The following ANKRD55 variants were observed in gnomAD, a reference collection of about 807,000 sequenced individuals.
The protein encoded by ANKRD55 is ankyrin repeat domain-containing protein 55.
In ANKRD55, 41 loss-of-function variants were observed where a neutral mutation model predicts 60.6. That is an observed-to-expected ratio of 0.68 (90% CI 0.53 to 0.88). The LOEUF (loss-of-function observed/expected upper bound fraction) is 0.88, where lower values mean the gene tolerates loss of function less well. ANKRD55 is among the 40% of genes least tolerant of loss of function. ANKRD55 has a pLI of 0.00. For synonymous variants in ANKRD55, 264 were observed against 290.3 expected, an observed-to-expected ratio of 0.91 and a Z score of 0.92; for missense variants, 732 against 767.6, an observed-to-expected ratio of 0.95 and a Z score of 0.55.
intron 2 of ANKRD55, among the ~76,000 whole-genome samples, chr5:56,190,411 A>G (rs1275909832): frequency 1.3e-5 from 2 of 152,194 alleles, no homozygotes; most frequent in Non-Finnish European, 2.9e-5. Flanking sequence ...ATCCAGTGTC[A>G]TGAAGCTTTT....
chr5:56,198,675 T>C (rs1759283207), intron 2 of ANKRD55, among the ~76,000 whole-genome samples: 1 of 152,254 alleles, frequency 6.6e-6, no homozygotes, highest in Non-Finnish European at 1.5e-5. Flanking sequence ...CCATTTGCTT[T>C]GTTTTTCTTC....
At chr5:56,112,240 A>G (rs1284189822) in intron 9 of ANKRD55, among the ~76,000 whole-genome samples, 1 of 152,048 alleles carries the variant, frequency 6.6e-6, no homozygotes, top group East Asian at 1.9e-4. Flanking sequence ...GGTGGGGGGA[A>G]TGTGGTTTTA....
rs1405340666 is a variant in ANKRD55 at position 56,133,773 on chromosome 5, T to C, written c.613-6667A>G. ...TACTTTGAACAAAAGGAAGATAACA[T>C]CAAAATTTGTGGGATGTAGCAAAAA... On this transcript the variant is annotated intron_variant, in intron 7 of 11. Coordinates refer to ENST00000341048, the MANE Select transcript of ANKRD55 (RefSeq NM_024669.3). 2.6e-5 allele frequency among the ~76,000 whole-genome samples: 3 copies of C among 113,736 alleles called. 1 individual carries two copies. Among genetic ancestry groups the C allele is most frequent in the African/African-American group, 2.9e-5 (1 of 34,964 alleles). The allele number at this position is 113,736 out of a possible 152,430, so 74.6% of individuals were successfully genotyped here.
At chr5:56,149,363 A>C (rs1757984196) in intron 6 of ANKRD55, among the ~76,000 whole-genome samples, 1 of 152,188 alleles carries the variant, frequency 6.6e-6, no homozygotes, top group Admixed American at 6.5e-5. Context: ...TAAGAATAAT[A>C]TGTCTGACAT....
intron 2 of ANKRD55, among the ~76,000 whole-genome samples, chr5:56,194,447 T>C (rs1759183643): frequency 1.3e-5 from 2 of 152,174 alleles, no homozygotes; most frequent in Non-Finnish European, 2.9e-5. Context: ...ATAGTTTTTG[T>C]CTAATGGAAA....
At chr5:56,166,726 T>C (rs1360950485) in intron 5 of ANKRD55, among the ~76,000 whole-genome samples, 2 of 152,154 alleles carry the variant, frequency 1.3e-5, no homozygotes, top group South Asian at 2.1e-4. Flanking sequence ...ATTTTCTAAA[T>C]ATATAAAGAA....
At chr5:56,198,229 CAAGA>C (rs1759271203) in intron 2 of ANKRD55, among the ~76,000 whole-genome samples, 1 of 152,158 alleles carries the variant, frequency 6.6e-6, no homozygotes, top group Non-Finnish European at 1.5e-5. Context: ...TGCTGGCTCT[CAAGA>C]TAGTTGCCCT....
At chr5:56,100,828 C>T (rs922163067) in intron 11 of ANKRD55, among the ~76,000 whole-genome samples, 3 of 152,206 alleles carry the variant, frequency 2.0e-5, no homozygotes, top group Admixed American at 2.0e-4. Context: ...AACCTCTCTT[C>T]GGCTTCTCCA....
At chr5:56,221,786 C>G (rs564443114) in intron 2 of ANKRD55, among the ~76,000 whole-genome samples, 1 of 152,198 alleles carries the variant, frequency 6.6e-6, no homozygotes, top group South Asian at 2.1e-4. Context: ...AAGGCAGCAG[C>G]GAGGCTGGGG....
At chr5:56,160,349 C>T (rs1391180744) in intron 5 of ANKRD55, among the ~76,000 whole-genome samples, 4 of 152,230 alleles carry the variant, frequency 2.6e-5, no homozygotes, top group African/African-American at 9.6e-5. Flanking sequence ...CACCATCCTC[C>T]TGCCTCAGCC....
At chr5:56,184,991 C>A (rs1422385331) in intron 2 of ANKRD55, among the ~76,000 whole-genome samples, 1 of 151,560 alleles carries the variant, frequency 6.6e-6, no homozygotes, top group Non-Finnish European at 1.5e-5. Flanking sequence ...GAGGCCGAGG[C>A]GGGCGGATCA....
At chr5:56,229,111 C>CT (rs1201672120) in intron 2 of ANKRD55, among the ~76,000 whole-genome samples, 17 of 89,758 alleles carry the variant, frequency 1.9e-4, no homozygotes, top group African/African-American at 7.9e-4. Flanking sequence ...TTTTTTTTTT[C>CT]CCTGTTTTCT....
intron 8 of ANKRD55, chr5:56,125,756 G>T (rs969957442): frequency 6.6e-6 from 1 of 152,122 alleles, no homozygotes; most frequent in Non-Finnish European, 1.5e-5. Context: ...AATTTGTGAA[G>T]TATTCCATAT....
intron 2 of ANKRD55, among the ~76,000 whole-genome samples, chr5:56,195,032 CAAG>C (rs2111848812): frequency 6.6e-6 from 1 of 152,186 alleles, no homozygotes; most frequent in East Asian, 1.9e-4. Context: ...AAGATTTTGA[CAAG>C]AATTAATTAA....
At chr5:56,141,458 C>T (rs895296490) in intron 7 of ANKRD55, among the ~76,000 whole-genome samples, 1 of 152,192 alleles carries the variant, frequency 6.6e-6, no homozygotes, top group Non-Finnish European at 1.5e-5. Flanking sequence ...GAATGAAAAT[C>T]TAAGAGGTGA....
rs548333033 is a variant in ANKRD55 at position 56,129,918 on chromosome 5, G to A, written c.613-2812C>T. ...AGAAGATGATCCTGGCTCATCGGTTGGAGCCAGACATGTTAGACTAGAATG... is the reference window on the plus strand; with the variant it reads ...AGAAGATGATCCTGGCTCATCGGTTAGAGCCAGACATGTTAGACTAGAATG... On this transcript the variant is annotated intron_variant, in intron 7 of 11. Coordinates refer to ENST00000341048, the MANE Select transcript of ANKRD55 (RefSeq NM_024669.3). Among the ~76,000 whole-genome samples the A allele has an allele frequency of 2.0e-5, 3 of 152,306 alleles. No homozygotes were observed. In the East Asian group the frequency reaches 5.8e-4, roughly 29 times the overall value.
chr5:56,170,444 T>C (rs980983409), intron 5 of ANKRD55, among the ~76,000 whole-genome samples: 4 of 152,136 alleles, frequency 2.6e-5, no homozygotes, highest in Non-Finnish European at 4.4e-5. Context: ...AATGAATATA[T>C]GAATTCTGAT....
intron 6 of ANKRD55, among the ~76,000 whole-genome samples, chr5:56,144,352 A>G (rs1302137238): frequency 6.6e-6 from 1 of 152,218 alleles, no homozygotes; most frequent in Non-Finnish European, 1.5e-5. Context: ...GAGGACAGCC[A>G]ACACCAAGCA....
chr5:56,223,595 T>C (rs1419679916), intron 2 of ANKRD55, among the ~76,000 whole-genome samples: 1 of 152,162 alleles, frequency 6.6e-6, no homozygotes, highest in Non-Finnish European at 1.5e-5. Context: ...CAGTGTGCTG[T>C]ATTCAGGAGA....
Sources: allele counts gnomAD v4.1 joint callset (sites outside exome capture counted in the v4.1 genomes callset), GRCh38; gene constraint gnomAD v4.1.1; transcripts MANE v1.5; gene names NCBI Gene and HGNC (gene_info 2026-07-23, HGNC 2026-07-21).